Variants in SPATA6L observed in about 807,000 individuals in gnomAD.
SPATA6L encodes the protein spermatogenesis associated 6 like.
In SPATA6L, 68 loss-of-function variants were observed where a neutral mutation model predicts 49.2. The observed-to-expected ratio is 1.38, with a 90% CI of 1.14 to 1.69. The LOEUF (loss-of-function observed/expected upper bound fraction) is 1.69. SPATA6L is among the 40% of genes most tolerant of loss of function. The pLI is 0.00. For missense variants in SPATA6L, 668 were observed against 464.3 expected (o/e 1.44, Z -4.03); for synonymous variants, 198 against 165.7 (o/e 1.19, Z -1.50).
At position 4,591,892 on chromosome 9, in the gene SPATA6L, T is replaced by C. The variant is rs1041781422; in HGVS notation, c.*255-2931A>G. On this transcript the variant is annotated intron_variant and NMD_transcript_variant, in intron 13 of 13. Coordinates refer to the SPATA6L transcript ENST00000461761. Reference sequence around the variant, plus strand: ...TGGGCATCATTACCTTTCCTAGAGATGACACTCTAAGGCAAATCAACGTCC... The same window carrying C: ...TGGGCATCATTACCTTTCCTAGAGACGACACTCTAAGGCAAATCAACGTCC... 2.6e-5 allele frequency among the ~76,000 whole-genome samples: 4 copies of C among 152,206 alleles called. No homozygotes were observed. In the East Asian group the frequency reaches 7.7e-4, roughly 29 times the overall value.
chr9:4,641,374 C>T lies in SPATA6L; in HGVS notation c.227-5975G>A, dbSNP rs372827745. Among the ~76,000 whole-genome samples, 24 of 151,222 alleles carry T rather than the reference C, an allele frequency of 1.6e-4. No individual in the cohort carries two copies. The East Asian group carries it at 3.7e-3, about 23-fold the overall frequency. Reference sequence around the variant, plus strand: ...AATGGTGTAGTTGCGGTGAGTTGGTCGAAGGTAAAAAGAGCATAATAATAA... The same window carrying T: ...AATGGTGTAGTTGCGGTGAGTTGGTTGAAGGTAAAAAGAGCATAATAATAA... On this transcript the variant is annotated intron_variant, in intron 3 of 11. Transcript: ENST00000682582.
chr9:4,589,801 C>G (rs189956299), intron 13 of SPATA6L, among the ~76,000 whole-genome samples: 4,470 of 152,222 alleles, frequency 0.029, 210 homozygotes, highest in African/African-American at 0.1. Context: ...CAGGGCCCCC[C>G]GTGGGGCTTT....
chr9:4,607,741 G>T (rs1429259412), intron 9 of SPATA6L, among the ~76,000 whole-genome samples: 2 of 152,074 alleles, frequency 1.3e-5, no homozygotes, highest in Non-Finnish European at 2.9e-5. Flanking sequence ...ATCAACTAAC[G>T]AGCAAAATAA....
chr9:4,643,820 C>T (rs1318650671), intron 3 of SPATA6L, among the ~76,000 whole-genome samples: 1 of 152,166 alleles, frequency 6.6e-6, no homozygotes, highest in Non-Finnish European at 1.5e-5. Context: ...GCCTGGCCAA[C>T]TTGGTGAAAC....
At chr9:4,660,318 C>T (rs1033842370) in intron 2 of SPATA6L, among the ~76,000 whole-genome samples, 2 of 152,156 alleles carry the variant, frequency 1.3e-5, no homozygotes, top group Admixed American at 1.3e-4. Flanking sequence ...CTACAAAGAA[C>T]TTAAACAAAT....
At chr9:4,636,467 G>C (rs371197052) in intron 3 of SPATA6L, among the ~76,000 whole-genome samples, 4 of 152,134 alleles carry the variant, frequency 2.6e-5, no homozygotes, top group African/African-American at 9.7e-5. Flanking sequence ...CAATTACTGA[G>C]CCGAAGGACA....
At chr9:4,623,607 T>C (rs1335920008) in intron 6 of SPATA6L, among the ~76,000 whole-genome samples, 1 of 152,090 alleles carries the variant, frequency 6.6e-6, no homozygotes, top group African/African-American at 2.4e-5. Flanking sequence ...TCACATATCA[T>C]CAGAAAATCT....
chr9:4,627,764 C>G (rs1830619215), intron 5 of SPATA6L: 1 of 1,289,282 alleles, frequency 7.8e-7, no homozygotes, highest in Non-Finnish European at 1.0e-6. Flanking sequence ...AAAGACGGAC[C>G]ATGAATACAA....
chr9:4,589,769 C>T (rs1266385435), intron 13 of SPATA6L, among the ~76,000 whole-genome samples: 2 of 152,152 alleles, frequency 1.3e-5, no homozygotes, highest in Admixed American at 6.5e-5. Context: ...TCTTCAAAAA[C>T]TGTCTCCCCA....
intron 3 of SPATA6L, among the ~76,000 whole-genome samples, chr9:4,645,200 A>G (rs1835089399): frequency 6.6e-6 from 1 of 152,232 alleles, no homozygotes; most frequent in Non-Finnish European, 1.5e-5. Flanking sequence ...AACAGTTACC[A>G]TATACCCCAT....
chr9:4,649,604 C>T (rs1836342503), intron 3 of SPATA6L, among the ~76,000 whole-genome samples: 1 of 152,224 alleles, frequency 6.6e-6, no homozygotes, highest in South Asian at 2.1e-4. Context: ...TTCTCAGGGA[C>T]TGTCCTCTTA....
At chr9:4,602,816 C>T (rs1257674460) in intron 11 of SPATA6L, among the ~76,000 whole-genome samples, 2 of 152,178 alleles carry the variant, frequency 1.3e-5, no homozygotes, top group African/African-American at 2.4e-5. Context: ...GCCATGTCAC[C>T]TTGAGCAAGG....
At chr9:4,622,308 G>C (rs1564187523) in intron 7 of SPATA6L, 100 bp downstream of exon 7, 4 of 760,106 alleles carry the variant, frequency 5.3e-6, no homozygotes, top group Non-Finnish European at 9.0e-6. Context: ...TAGGCTCACA[G>C]TTCTGAACAT....
chr9:4,647,419 C>T (rs1023606080), intron 3 of SPATA6L, among the ~76,000 whole-genome samples: 1 of 151,992 alleles, frequency 6.6e-6, no homozygotes, highest in South Asian at 2.1e-4. Context: ...TAGTGAAACC[C>T]CGTGTCTACT....
At chr9:4,593,337 T>C (rs1822028294), downstream of SPATA6L, among the ~76,000 whole-genome samples, 1 of 152,156 alleles carries the variant, frequency 6.6e-6, no homozygotes. Flanking sequence ...TATGTCTAGA[T>C]TATCTCCCAC....
intron 3 of SPATA6L, 89 bp from the exon 4 acceptor site, chr9:4,635,488 G>T: frequency 7.6e-7 from 1 of 1,314,840 alleles, no homozygotes; most frequent in Non-Finnish European, 1.0e-6. Context: ...TGGCAGAGAT[G>T]GCACTCAGGT....
At chr9:4,653,967 C>A (rs1054034171) in intron 3 of SPATA6L, among the ~76,000 whole-genome samples, 3 of 152,002 alleles carry the variant, frequency 2.0e-5, no homozygotes, top group Non-Finnish European at 4.4e-5. Context: ...GACAAATGAC[C>A]CCATTAAAAA....
intron 11 of SPATA6L, among the ~76,000 whole-genome samples, chr9:4,603,088 C>T (rs1275125755): frequency 2.6e-5 from 4 of 152,184 alleles, no homozygotes; most frequent in African/African-American, 9.7e-5. Flanking sequence ...CTAGAGTTGC[C>T]TTGTTACATG....
intron 9 of SPATA6L, among the ~76,000 whole-genome samples, 165 bp from the exon 10 acceptor site, chr9:4,605,605 A>T (rs1433075856): frequency 1.3e-5 from 2 of 152,226 alleles, no homozygotes; most frequent in Admixed American, 1.3e-4. Context: ...AAACCTACCC[A>T]TAGGAAAAGC....
Sources: gnomAD v4.1 joint callset for allele counts (sites outside exome capture counted in the v4.1 genomes callset) on GRCh38, gnomAD v4.1.1 for gene constraint, MANE v1.5 for transcripts, NCBI Gene and HGNC (gene_info 2026-07-23, HGNC 2026-07-21) for gene names.